The following RPRD2 variants were observed in gnomAD, a reference collection of about 807,000 sequenced individuals.
RPRD2 encodes the protein regulation of nuclear pre-mRNA domain-containing protein 2.
A neutral mutation model predicts 104.4 loss-of-function variants in RPRD2; 12 were observed. That is an observed-to-expected ratio of 0.11 (90% CI 0.07 to 0.19). The LOEUF (loss-of-function observed/expected upper bound fraction) is 0.19. Among genes scored for constraint, RPRD2 ranks in the 10% least tolerant of loss-of-function variants. The pLI, the probability that RPRD2 is intolerant of heterozygous loss-of-function variation, is 1.00. For synonymous variants in RPRD2, 714 were observed against 684.9 expected (o/e 1.04, Z -0.66); for missense variants, 1,543 against 1,790.1 (o/e 0.86, Z 2.49).
intron 1 of RPRD2, among the ~76,000 whole-genome samples, chr1:150,387,913 C>T (rs1228468903): frequency 0.017 from 1,561 of 94,570 alleles, 16 homozygotes; most frequent in Non-Finnish European, 0.023. Context: ...TTTCTTTTCT[C>T]TTTTTTTTTT....
chr1:150,383,306 GTTTT>G, intron 1 of RPRD2, among the ~76,000 whole-genome samples: 1 of 126,744 alleles, frequency 7.9e-6, no homozygotes, highest in African/African-American at 3.1e-5. Context: ...CAAATAAGAG[GTTTT>G]TTTTTTTTTT....
At chr1:150,445,954 G>A (rs1443917867) in intron 6 of RPRD2, among the ~76,000 whole-genome samples, 1 of 152,048 alleles carries the variant, frequency 6.6e-6, no homozygotes, top group African/African-American at 2.4e-5. Context: ...TGTAGTCCCA[G>A]CCACTCGGGA....
At position 150,470,632 on chromosome 1, in the gene RPRD2, T is replaced by G. The variant is rs1457158727; in HGVS notation, c.1684T>G (p.Ser562Ala). ...CAGTGAAGCTGCCTCACAGAGCACT[T>G]CAGCCTCCCCTGCCAACACCACAGT... ...PASEAASQST[S>A]ASPANTTVST... Residue 562 changes from serine to alanine, a missense_variant, in exon 11 of 11, where the codon TCA becomes GCA. Transcript: ENST00000369068. 1.2e-5 allele frequency: 19 copies of G among 1,613,876 alleles called. No individual in the cohort carries two copies. Among genetic ancestry groups the G allele is most frequent in the Non-Finnish European group, 1.5e-5 (18 of 1,179,874 alleles).
intron 10 of RPRD2, 82 bp downstream of exon 10, chr1:150,464,809 A>T: frequency 1.1e-6 from 1 of 930,336 alleles, no homozygotes; most frequent in Non-Finnish European, 1.7e-6. Flanking sequence ...TTTCTGATGA[A>T]TCCAGAGCCA....
intron 1 of RPRD2, among the ~76,000 whole-genome samples, chr1:150,382,639 G>A (rs918192714): frequency 2.0e-5 from 3 of 152,168 alleles, no homozygotes; most frequent in Admixed American, 6.5e-5. Context: ...GATTACAGGC[G>A]TGAGCCACTG....
chr1:150,387,833 G>A (rs1358588547), intron 1 of RPRD2, among the ~76,000 whole-genome samples: 1 of 150,154 alleles, frequency 6.7e-6, no homozygotes, highest in Admixed American at 6.6e-5. Flanking sequence ...CAGGTGATTT[G>A]CCTGCCTCGG....
chr1:150,459,518 T>C (rs1330690469), intron 8 of RPRD2, among the ~76,000 whole-genome samples: 1 of 151,582 alleles, frequency 6.6e-6, no homozygotes, highest in African/African-American at 2.4e-5. Context: ...TGTACAGATT[T>C]AATACACAAA....
At position 150,423,130 on chromosome 1, in the gene RPRD2, A is replaced by T. The variant is rs782306743; in HGVS notation, c.335+5405A>T. On this transcript the variant is annotated intron_variant, in intron 2 of 10. Coordinates refer to ENST00000369068, the MANE Select transcript of RPRD2 (RefSeq NM_015203.5). The stretch of plus-strand genomic sequence containing the variant: ...CTGGTATTTGCCATTTGTGTCCTAG[A>T]GGTCCTAGCTAAGGGACAGAAATGC... 1.2e-4 allele frequency among the ~76,000 whole-genome samples: 19 copies of T among 152,310 alleles called. 1 individual carries two copies. Among genetic ancestry groups the T allele is most frequent in the African/African-American group, 4.3e-4 (18 of 41,574 alleles).
intron 1 of RPRD2, among the ~76,000 whole-genome samples, chr1:150,401,193 G>T (rs1214916135): frequency 1.3e-5 from 2 of 151,030 alleles, no homozygotes; most frequent in Middle Eastern, 3.5e-3. Context: ...ATAAAAAAAA[G>T]AGATAGCATC....
chr1:150,443,352 A>G, intron 5 of RPRD2, 69 bp downstream of exon 5: 1 of 1,100,770 alleles, frequency 9.1e-7, no homozygotes. Context: ...TTTCCTGTAT[A>G]GTCCAATAAG....
chr1:150,444,377 G>A lies in RPRD2; in HGVS notation c.694G>A (p.Asp232Asn). 6.2e-7 allele frequency: 1 copy of A among 1,611,338 alleles called. No homozygotes were observed. The change falls in exon 6 of 11, where the codon GAT (aspartate) becomes AAT (asparagine). Residue 232 changes from aspartate (D) to asparagine (N), a missense_variant and splice_region_variant. This residue lies in a region of RPRD2 where 572 missense variants were observed against 787.3 expected (regional missense o/e 0.73). Transcript: ENST00000369068. Reference protein sequence around the residue: ...CSTETLKCLKDKTGGKKFSKE... With the variant: ...CSTETLKCLKNKTGGKKFSKE... ...CACAGAAACTCTCAAATGCTTAAAA[G>A]GTAATGCTTACATCCTTTTAGAGTA... is the stretch of plus-strand genomic sequence containing the variant.
intron 1 of RPRD2, among the ~76,000 whole-genome samples, chr1:150,402,030 G>T (rs1220453567): frequency 6.6e-6 from 1 of 150,866 alleles, no homozygotes; most frequent in Non-Finnish European, 1.5e-5. Flanking sequence ...CACAATCTCG[G>T]CTCACTGCAA....
intron 3 of RPRD2, 89 bp from the exon 4 acceptor site, chr1:150,441,792 C>G: frequency 1.2e-6 from 1 of 820,264 alleles, no homozygotes; most frequent in Non-Finnish European, 2.0e-6. Flanking sequence ...CTCGGATTGC[C>G]TTTTTTCATG....
At chr1:150,426,813 A>G (rs981745034) in intron 2 of RPRD2, among the ~76,000 whole-genome samples, 14 of 152,184 alleles carry the variant, frequency 9.2e-5, no homozygotes, top group African/African-American at 1.2e-4. Flanking sequence ...TGGTTGCACA[A>G]TACGAATGTA....
rs1370630758 is a variant in RPRD2 at position 150,434,135 on chromosome 1, A to C, written c.336-6788A>C. Among the ~76,000 whole-genome samples, 4 of 152,066 alleles carry C rather than the reference A, an allele frequency of 2.6e-5. No homozygotes were observed. The East Asian group carries it at 5.8e-4, about 22-fold the overall frequency. On this transcript the variant is annotated intron_variant, in intron 2 of 10. Transcript: ENST00000369068. ...TTTGGGAGGCTGAGGCGAGCAGATC[A>C]CTTGAGGCCAGGAGTTCAAGACCAG... is the stretch of plus-strand genomic sequence containing the variant.
chr1:150,396,115 ATGTT>A (rs1434277493), intron 1 of RPRD2, among the ~76,000 whole-genome samples: 1 of 149,328 alleles, frequency 6.7e-6, no homozygotes, highest in Non-Finnish European at 1.5e-5. Flanking sequence ...ATTTTTTCAT[ATGTT>A]TGTTTGACAT....
At chr1:150,408,306 A>ACG (rs1663648165) in intron 1 of RPRD2, among the ~76,000 whole-genome samples, 1 of 151,624 alleles carries the variant, frequency 6.6e-6, no homozygotes, top group Non-Finnish European at 1.5e-5. Context: ...CTGGGATTGC[A>ACG]GGTACCCGCC....
In RPRD2 at chr1:150,364,179, CA is replaced by C. The variant is rs587650833; in HGVS notation, c.-528del. Reference sequence around the variant, plus strand: ...CTGCCCCTTTGCTGCTATTGCGTTGCAAAAAAAATCCTGACTAGGTAGCCTT... The same window carrying C: ...CTGCCCCTTTGCTGCTATTGCGTTGCAAAAAAATCCTGACTAGGTAGCCTT... On this transcript the variant is annotated 5_prime_UTR_variant, in exon 1 of 11. Transcript: ENST00000369068. Among the ~76,000 whole-genome samples the C allele has an allele frequency of 6.6e-6, 1 of 151,724 alleles. No individual in the cohort carries two copies. Among genetic ancestry groups the C allele is most frequent in the Non-Finnish European group, 1.5e-5 (1 of 67,890 alleles).
At chr1:150,408,152 CAT>C (rs1560177197) in intron 1 of RPRD2, among the ~76,000 whole-genome samples, 1 of 139,402 alleles carries the variant, frequency 7.2e-6, no homozygotes, top group African/African-American at 2.8e-5. Context: ...TTAAAATATT[CAT>C]ATGATTTTTT....
Sources: allele counts gnomAD v4.1 joint callset (sites outside exome capture counted in the v4.1 genomes callset), GRCh38; gene constraint gnomAD v4.1.1; regional missense constraint gnomAD v4.1.1; transcripts MANE v1.5; gene names NCBI Gene and HGNC (gene_info 2026-07-23, HGNC 2026-07-21).